Variants in DMTF1 observed in about 807,000 individuals in gnomAD.
The protein encoded by DMTF1 is cyclin D binding myb like transcription factor 1, also known as cyclin-D-binding Myb-like transcription factor 1.
Under a neutral mutation model 91.1 loss-of-function variants are expected in DMTF1, and 39 were observed. That is an observed-to-expected ratio of 0.43 (90% CI 0.33 to 0.56). The LOEUF (loss-of-function observed/expected upper bound fraction) is 0.56, where lower values mean the gene tolerates loss of function less well. Among genes scored for constraint, DMTF1 ranks in the 20% least tolerant of loss-of-function variants. The pLI is 0.05. For synonymous variants in DMTF1, 338 were observed against 309.5 expected, an observed-to-expected ratio of 1.09 and a Z score of -0.97; for missense variants, 750 against 914.5, an observed-to-expected ratio of 0.82 and a Z score of 2.32.
At chr7:87,190,897 A>G in intron 13 of DMTF1, 48 bp from the exon 14 acceptor site, 1 of 1,494,856 alleles carries the variant, frequency 6.7e-7, no homozygotes, top group Non-Finnish European at 9.1e-7. Flanking sequence ...TTAACAAAAC[A>G]TTTATTGTAA....
At chr7:87,170,423 G>A (rs568632070) in intron 4 of DMTF1, among the ~76,000 whole-genome samples, 1 of 152,158 alleles carries the variant, frequency 6.6e-6, no homozygotes, top group Non-Finnish European at 1.5e-5. Flanking sequence ...GCTTACAAGG[G>A]CTTACACAAT....
At chr7:87,158,630 ATAAC>A (rs769384944) in intron 1 of DMTF1, among the ~76,000 whole-genome samples, 5 of 152,094 alleles carry the variant, frequency 3.3e-5, no homozygotes, top group Non-Finnish European at 7.4e-5. Context: ...AAAGCATTAA[ATAAC>A]TGTTGAAACG....
intron 1 of DMTF1, chr7:87,154,302 TGTG>T (rs759125400): frequency 2.6e-5 from 4 of 152,366 alleles, no homozygotes; most frequent in African/African-American, 9.6e-5. Context: ...ATTTCATGAT[TGTG>T]GTGATTTTTA....
chr7:87,181,928 G>A, intron 9 of DMTF1: 1 of 1,042,932 alleles, frequency 9.6e-7, no homozygotes, highest in Non-Finnish European at 1.3e-6. Context: ...AAAGTCTGGG[G>A]CTTGCCTGGG....
At chr7:87,153,189 T>G (rs1351585544) in intron 1 of DMTF1, among the ~76,000 whole-genome samples, 1 of 151,932 alleles carries the variant, frequency 6.6e-6, no homozygotes, top group Non-Finnish European at 1.5e-5. Flanking sequence ...GGCCCAGACA[T>G]AGAGAATCGG....
rs191735913 is a variant in DMTF1, at chr7:87,167,984, A to T, written c.232+1379A>T. 4.2e-3 allele frequency among the ~76,000 whole-genome samples: 643 copies of T among 152,304 alleles called. 4 individuals are homozygous for T. Among genetic ancestry groups the T allele is most frequent in the Middle Eastern group, 0.017 (5 of 294 alleles). Reference sequence around the variant, plus strand: ...TCAAACTACACTTGGTATTAGTTTTATTTTATGGTGGTAAACCAAATCCTT... The same window carrying T: ...TCAAACTACACTTGGTATTAGTTTTTTTTTATGGTGGTAAACCAAATCCTT... On this transcript the variant is annotated intron_variant, in intron 4 of 17. Coordinates refer to ENST00000331242, the MANE Select transcript of DMTF1 (RefSeq NM_001142327.2).
chr7:87,194,265 T>TGG, intron 16 of DMTF1, 163 bp downstream of exon 16: 1 of 719,090 alleles, frequency 1.4e-6, no homozygotes, highest in Non-Finnish European at 2.2e-6. Context: ...AGTGATCCTG[T>TGG]GGCAGTCAGG....
At chr7:87,170,080 A>T (rs1301164315) in intron 4 of DMTF1, among the ~76,000 whole-genome samples, 1 of 152,102 alleles carries the variant, frequency 6.6e-6, no homozygotes, top group African/African-American at 2.4e-5. Flanking sequence ...ATCTTCTCCT[A>T]CTAATTAGTA....
At chr7:87,193,471 AC>A in intron 15 of DMTF1, 118 bp downstream of exon 15, 1 of 1,022,924 alleles carries the variant, frequency 9.8e-7, no homozygotes, top group South Asian at 1.5e-5. Flanking sequence ...TGTTCCAGGC[AC>A]AGTGTTATAC....
At chr7:87,175,308 A>G (rs1479882156) in intron 7 of DMTF1, among the ~76,000 whole-genome samples, 1 of 152,006 alleles carries the variant, frequency 6.6e-6, no homozygotes, top group African/African-American at 2.4e-5. Context: ...GGCATGAGCC[A>G]CCGCACCCGG....
chr7:87,175,187 A>G (rs1030542471), intron 7 of DMTF1, among the ~76,000 whole-genome samples: 3 of 151,692 alleles, frequency 2.0e-5, no homozygotes, highest in African/African-American at 7.3e-5. Context: ...CGCCCGGCTA[A>G]TTTTTATATT....
chr7:87,191,923 T>G (rs1254176680), intron 14 of DMTF1, among the ~76,000 whole-genome samples: 1 of 152,280 alleles, frequency 6.6e-6, no homozygotes, highest in African/African-American at 2.4e-5. Flanking sequence ...TGCAAGACTT[T>G]ATTCATCCTC....
intron 7 of DMTF1, 71 bp downstream of exon 7, chr7:87,174,740 G>A: frequency 9.5e-7 from 1 of 1,056,922 alleles, no homozygotes; most frequent in Non-Finnish European, 1.4e-6. Context: ...AACACAGAAT[G>A]TTGTGTGCAC....
chr7:87,194,134 T>G (rs1472427551), intron 16 of DMTF1, 32 bp downstream of exon 16: 1 of 1,521,970 alleles, frequency 6.6e-7, no homozygotes, highest in Non-Finnish European at 8.8e-7. Flanking sequence ...ACTGAATGGA[T>G]TCTTGCCTTG....
intron 7 of DMTF1, among the ~76,000 whole-genome samples, chr7:87,176,899 C>T (rs1796372648): frequency 6.6e-6 from 1 of 152,020 alleles, no homozygotes; most frequent in Non-Finnish European, 1.5e-5. Context: ...AGGATAAATG[C>T]AAGTAACGTC....
At chr7:87,192,162 C>G (rs1037069193) in intron 14 of DMTF1, among the ~76,000 whole-genome samples, 1 of 152,022 alleles carries the variant, frequency 6.6e-6, no homozygotes, top group African/African-American at 2.4e-5. Flanking sequence ...TATGGGGTCA[C>G]AATATTTAGG....
At chr7:87,157,492 T>C (rs1254060957) in intron 1 of DMTF1, among the ~76,000 whole-genome samples, 7 of 152,222 alleles carry the variant, frequency 4.6e-5, no homozygotes, top group African/African-American at 1.7e-4. Flanking sequence ...GGAAGAAAGG[T>C]GACTTTATTC....
intron 15 of DMTF1, 119 bp downstream of exon 15, chr7:87,193,472 C>A (rs1584481515): frequency 9.8e-7 from 1 of 1,024,116 alleles, no homozygotes; most frequent in East Asian, 2.5e-5. Context: ...GTTCCAGGCA[C>A]AGTGTTATAC....
At chr7:87,168,757 T>C (rs1794420343) in intron 4 of DMTF1, among the ~76,000 whole-genome samples, 1 of 152,198 alleles carries the variant, frequency 6.6e-6, no homozygotes, top group Non-Finnish European at 1.5e-5. Flanking sequence ...TCCTGATCAT[T>C]AACCTGAAGT....
Sources: gnomAD v4.1 joint callset for allele counts (sites outside exome capture counted in the v4.1 genomes callset) on GRCh38, gnomAD v4.1.1 for gene constraint, MANE v1.5 for transcripts, NCBI Gene and HGNC (gene_info 2026-07-23, HGNC 2026-07-21) for gene names.